The following ZNF692 variants were observed in gnomAD, a reference collection of about 807,000 sequenced individuals.
ZNF692 encodes the protein AICAR responsive element binding protein.
ZNF692 carries 41 observed loss-of-function variants against 49.0 expected under a neutral mutation model. The observed-to-expected ratio is 0.84, with a 90% CI of 0.65 to 1.08. The LOEUF (loss-of-function observed/expected upper bound fraction) is 1.08, where lower values mean the gene tolerates loss of function less well. Among genes scored for constraint, ZNF692 ranks in the 50% least tolerant of loss-of-function variants. The pLI, the probability that ZNF692 is intolerant of heterozygous loss-of-function variation, is 0.00. For synonymous variants in ZNF692, 288 were observed against 251.5 expected (o/e 1.15, Z -1.37); for missense variants, 662 against 662.2 (o/e 1.00, Z 0.00).
intron 10 of ZNF692, 133 bp downstream of exon 10, chr1:248,853,804 A>G: frequency 3.1e-6 from 2 of 648,728 alleles, no homozygotes; most frequent in Non-Finnish European, 5.5e-6. Flanking sequence ...GAGGGAGGTG[A>G]AGAAACCCAC....
At chr1:248,853,458 T>C (rs958616836) in intron 10 of ZNF692, among the ~76,000 whole-genome samples, 2 of 152,194 alleles carry the variant, frequency 1.3e-5, no homozygotes, top group African/African-American at 4.8e-5. Context: ...CTTTCTCAGC[T>C]CCTGGCCTCT....
Position 248,850,728 on chromosome 1 carries a change from T to C in ZNF692, c.1207A>G (p.Asn403Asp). 3.1e-6 allele frequency: 5 copies of C among 1,614,104 alleles called. No homozygotes were observed. The highest frequency in any genetic ancestry group is 1.1e-5 in the South Asian group (1 of 91,078). ...TGGATACGTCTGTGGATGACAAGGT[T>C]GCTGCTAGTGCGGAAAGACCGGGCG... ...FCARSFRTSS[N>D]LVIHRRIHTG... The change falls in exon 11 of 12, where the codon AAC becomes GAC. Residue 403 changes from asparagine (N) to aspartate (D), a missense_variant. By Grantham distance (23) the Asn-to-Asp change is conservative. Coordinates refer to ENST00000306601, the MANE Select transcript of ZNF692 (RefSeq NM_017865.4).
In ZNF692 at chr1:248,850,878, T is replaced by A. The variant is rs752287761; in HGVS notation, c.1154-97A>T. ...TGTCCCTCACCAGAGTGCACCGTAT[T>A]GGAGGTCAGGAGGCTCAGGTTCTAA... On this transcript the variant is annotated intron_variant, in intron 10 of 11. Transcript: ENST00000306601. The A allele has an allele frequency of 5.4e-5, 58 of 1,081,172 alleles. No homozygotes were observed. In the Middle Eastern group the frequency reaches 4.2e-3, roughly 78 times the overall value. The allele number at this position is 1,081,172 out of a possible 1,614,324, so 67.0% of individuals were successfully genotyped here.
At chr1:248,851,023 C>A (rs920116481) in intron 10 of ZNF692, 2 of 649,634 alleles carry the variant, frequency 3.1e-6, no homozygotes, top group East Asian at 6.1e-5. Context: ...AGCCCCTGCC[C>A]GCCAATCCCA....
intron 6 of ZNF692, 23 bp downstream of exon 6, chr1:248,856,265 A>G: frequency 6.4e-7 from 1 of 1,560,586 alleles, no homozygotes; most frequent in East Asian, 2.2e-5. Context: ...TGCTCTGCTC[A>G]TTCTCCCTCA....
intron 10 of ZNF692, among the ~76,000 whole-genome samples, chr1:248,852,299 C>G (rs370460010): frequency 1.3e-5 from 2 of 152,174 alleles, no homozygotes; most frequent in African/African-American, 4.8e-5. Context: ...TTTCTAAAGT[C>G]GCCAAGAAAC....
chr1:248,855,426 T>TC lies in ZNF692; in HGVS notation c.991dup (p.Asp331GlyfsTer43). 6.2e-7 allele frequency: 1 copy of TC among 1,614,032 alleles called. No homozygotes were observed. The highest frequency in any genetic ancestry group is 8.5e-7 in the Non-Finnish European group (1 of 1,180,000). ...GAAGATCCTTCCACAGCCAGGGAAG[T>TC]CACAAGGCATCAGCTCTCTTTTGGC... On this transcript the variant is annotated frameshift_variant, in exon 9 of 12. Transcript: ENST00000306601. LOFTEE classifies it high-confidence loss of function.
intron 10 of ZNF692, 92 bp from the exon 11 acceptor site, chr1:248,850,873 C>CA (rs11434456): frequency 0.21 from 234,240 of 1,126,796 alleles, 41,970 homozygotes; most frequent in African/African-American, 0.83. Context: ...CAGAGTGCAC[C>CA]GTATTGGAGG....
Position 248,850,512 on chromosome 1 carries a change from C to T in ZNF692, c.1258G>A (p.Glu420Lys). 1 of 1,605,256 alleles carries T rather than the reference C, an allele frequency of 6.2e-7. No individual in the cohort carries two copies. The highest frequency in any genetic ancestry group is 1.1e-5 in the South Asian group (1 of 90,160). ...TGGCGGCAGGTAAACCCGCATATCTCACACCTGGAGTCAGGGACAGAAGAG... is the reference window on the plus strand; with the variant it reads ...TGGCGGCAGGTAAACCCGCATATCTTACACCTGGAGTCAGGGACAGAAGAG... ...IHTGEKPLQC[E>K]ICGFTCRQKA... The change falls in exon 12 of 12, where the codon GAG (glutamate) becomes AAG (lysine). Residue 420 changes from glutamate (E) to lysine (K), a missense_variant. Glu to Lys is a moderately conservative substitution (Grantham distance 56). Transcript: ENST00000306601.
At position 248,850,299 on chromosome 1, in the gene ZNF692, T is replaced by A; in HGVS notation, c.1471A>T (p.Ser491Cys). ...CCCAGAGGCCCAGGGGCAGAGATGC[T>A]GGGACAGGGCTCTAGGGGACCACTG... ...SPSGPLEPCP[S>C]ISAPGPLGSS... The change falls in exon 12 of 12, where the codon AGC becomes TGC. Residue 491 changes from serine (S) to cysteine (C), a missense_variant. Coordinates refer to ENST00000306601, the MANE Select transcript of ZNF692 (RefSeq NM_017865.4). 1 of 1,611,720 alleles carries A rather than the reference T, an allele frequency of 6.2e-7. No individual in the cohort carries two copies.
chr1:248,852,807 T>C (rs982156272), intron 10 of ZNF692, among the ~76,000 whole-genome samples: 1 of 152,178 alleles, frequency 6.6e-6, no homozygotes, highest in Admixed American at 6.5e-5. Flanking sequence ...TCTTCCTCAC[T>C]ACTCACCTGA....
intron 10 of ZNF692, among the ~76,000 whole-genome samples, chr1:248,851,591 T>C (rs1036558777): frequency 7.0e-6 from 1 of 142,530 alleles, no homozygotes; most frequent in Non-Finnish European, 1.6e-5. Context: ...GCCCCATCAC[T>C]CCCCCTCCAT....
Position 248,854,008 on chromosome 1 carries a change from C to A in ZNF692, c.1082G>T (p.Cys361Phe). The change falls in exon 10 of 12, where the codon TGC becomes TTC. Residue 361 changes from cysteine to phenylalanine, a missense_variant. Coordinates refer to ENST00000306601, the MANE Select transcript of ZNF692 (RefSeq NM_017865.4). ...YQHIHQKSFS[C>F]PEPACGKSFN... The stretch of plus-strand genomic sequence containing the variant: ...AGACTTCCCACAGGCTGGCTCTGGG[C>A]AGGAGAAAGACTTCTGGTGGATGTG... 2 of 1,614,176 alleles carry A rather than the reference C, an allele frequency of 1.2e-6. No individual in the cohort carries two copies. The highest frequency in any genetic ancestry group is 1.7e-6 in the Non-Finnish European group (2 of 1,180,018).
intron 10 of ZNF692, among the ~76,000 whole-genome samples, chr1:248,851,216 A>G (rs544126255): frequency 7.2e-5 from 11 of 152,234 alleles, no homozygotes; most frequent in Admixed American, 2.0e-4. Flanking sequence ...CTCAAGGCCC[A>G]AGGACAGACC....
chr1:248,856,937 T>C (rs1326996084), intron 4 of ZNF692, among the ~76,000 whole-genome samples: 3 of 152,072 alleles, frequency 2.0e-5, no homozygotes, highest in Non-Finnish European at 4.4e-5. Flanking sequence ...CTTCTTCCCA[T>C]AGGCAACCTG....
Position 248,855,461 on chromosome 1 carries a change from G to C in ZNF692, c.960-3C>G, listed in dbSNP as rs1334493100. 1 of 1,613,930 alleles carries C rather than the reference G, an allele frequency of 6.2e-7. No homozygotes were observed. Among genetic ancestry groups the C allele is most frequent in the Non-Finnish European group, 8.5e-7 (1 of 1,179,996 alleles). On this transcript the variant is annotated splice_region_variant and splice_polypyrimidine_tract_variant and intron_variant, in intron 8 of 11. Transcript: ENST00000306601. ...TCAGCTCTCTTTTGGCAGCTTTCCT[G>C]AGGAGAAGAATGGAAAGGAGCAGCA...
At position 248,850,246 on chromosome 1, in the gene ZNF692, T is replaced by C; in HGVS notation, c.1524A>G (p.Ala508=). ...GAAGCAGGGTTGGAGCCTGAGGAGATGCAGAGGGCCTGGACCCCTCGCTGG... is the reference window on the plus strand; with the variant it reads ...GAAGCAGGGTTGGAGCCTGAGGAGACGCAGAGGGCCTGGACCCCTCGCTGG... ...LGSSEGSRPS[A]SPQAPTLLPQ... is the part of the protein sequence containing the mutation. Residue 508 remains alanine (A), a synonymous_variant, in exon 12 of 12, where the codon GCA becomes GCG. Transcript: ENST00000306601. 1 of 1,558,190 alleles carries C rather than the reference T, an allele frequency of 6.4e-7. No homozygotes were observed. Among genetic ancestry groups the C allele is most frequent in the Non-Finnish European group, 8.7e-7 (1 of 1,151,590 alleles).
At chr1:248,855,023 T>C (rs769583078) in intron 9 of ZNF692, among the ~76,000 whole-genome samples, 6 of 152,068 alleles carry the variant, frequency 3.9e-5, no homozygotes, top group East Asian at 1.9e-4. Flanking sequence ...GGCAATGAGA[T>C]TGGGGACAGG....
chr1:248,856,041 C>A (rs1660195290), intron 6 of ZNF692, 95 bp from the exon 7 acceptor site: 1 of 1,375,036 alleles, frequency 7.3e-7, no homozygotes, highest in Non-Finnish European at 1.0e-6. Flanking sequence ...AGATCTCAAA[C>A]TTGAAACAAC....
Sources: allele counts gnomAD v4.1 joint callset (sites outside exome capture counted in the v4.1 genomes callset), GRCh38; gene constraint gnomAD v4.1.1; transcripts MANE v1.5; gene names NCBI Gene and HGNC (gene_info 2026-07-23, HGNC 2026-07-21).